The following HECW1 variants were observed in gnomAD, a reference collection of about 807,000 sequenced individuals.
HECW1 encodes E3 ubiquitin-protein ligase HECW1.
A neutral mutation model predicts 182.3 loss-of-function variants in HECW1; 61 were observed. The observed-to-expected ratio is 0.33, with a 90% CI of 0.27 to 0.41. The LOEUF is 0.41. HECW1 is among the 10% of genes least tolerant of loss of function. The pLI is 1.00. For missense variants in HECW1, 1,739 were observed against 2,108.9 expected (o/e 0.82, Z 3.44); for synonymous variants, 859 against 832.6 (o/e 1.03, Z -0.55).
In HECW1 at chr7:43,348,047, G is replaced by A. The variant is rs147302687; in HGVS notation, c.461-12839G>A. 9.4e-3 allele frequency among the ~76,000 whole-genome samples: 1,427 copies of A among 152,288 alleles called. 6 individuals are homozygous for A. The highest frequency in any genetic ancestry group is 0.015 in the Non-Finnish European group (1,021 of 68,020). On this transcript the variant is annotated intron_variant, in intron 5 of 29. Coordinates refer to ENST00000395891, the MANE Select transcript of HECW1 (RefSeq NM_015052.5). ...TGCTGGCTTCACAGAATGAATTAGAGAGGGTTCCTTCTTTCTCTATCTTGT... is the reference window on the plus strand; with the variant it reads ...TGCTGGCTTCACAGAATGAATTAGAAAGGGTTCCTTCTTTCTCTATCTTGT...
intron 5 of HECW1, among the ~76,000 whole-genome samples, chr7:43,324,277 A>C (rs972075170): frequency 2.9e-4 from 44 of 152,188 alleles, no homozygotes; most frequent in African/African-American, 1.0e-3. Flanking sequence ...AAAAAGTAAA[A>C]ATTTATTGAG....
intron 3 of HECW1, among the ~76,000 whole-genome samples, chr7:43,303,307 G>A (rs537382338): frequency 6.6e-6 from 1 of 152,012 alleles, no homozygotes; most frequent in Non-Finnish European, 1.5e-5. Context: ...AATGGTGTGC[G>A]AGCGACAAGG....
At chr7:43,128,138 C>T (rs779923411) in intron 2 of HECW1, among the ~76,000 whole-genome samples, 13 of 152,120 alleles carry the variant, frequency 8.5e-5, no homozygotes, top group Non-Finnish European at 1.5e-4. Context: ...CCTCAGCCTC[C>T]CAAATTATTG....
At chr7:43,303,819 C>A (rs565050458) in intron 3 of HECW1, among the ~76,000 whole-genome samples, 1 of 152,152 alleles carries the variant, frequency 6.6e-6, no homozygotes, top group South Asian at 2.1e-4. Flanking sequence ...CTCCCTTACA[C>A]CTGAGAGCCC....
At chr7:43,244,619 C>T (rs192481048) in intron 3 of HECW1, among the ~76,000 whole-genome samples, 28 of 152,242 alleles carry the variant, frequency 1.8e-4, no homozygotes, top group Non-Finnish European at 3.5e-4. Context: ...ATTTGATGTA[C>T]GAGGGAACTG....
At chr7:43,227,454 A>G (rs1263509028) in intron 2 of HECW1, among the ~76,000 whole-genome samples, 1 of 152,190 alleles carries the variant, frequency 6.6e-6, no homozygotes, top group Non-Finnish European at 1.5e-5. Flanking sequence ...TCCATACTTT[A>G]ATCACTAAGT....
chr7:43,343,674 C>G lies in HECW1; in HGVS notation c.461-17212C>G, dbSNP rs527619514. ...CTTAATCCACTCTATCATTGATGGA[C>G]ATTTGGGTTGGTTTCAAGTCTTTGC... On this transcript the variant is annotated intron_variant, in intron 5 of 29. Transcript: ENST00000395891. Among the ~76,000 whole-genome samples the G allele has an allele frequency of 4.0e-4, 61 of 151,888 alleles. 2 individuals carry two copies. The highest frequency in any genetic ancestry group is 1.4e-3 in the African/African-American group (57 of 41,210).
At chr7:43,495,899 C>A (rs543195262) in intron 19 of HECW1, among the ~76,000 whole-genome samples, 3 of 152,236 alleles carry the variant, frequency 2.0e-5, no homozygotes, top group Non-Finnish European at 1.5e-5. Flanking sequence ...CTGATTCTAC[C>A]ATTAAGTAGT....
At chr7:43,424,309 G>GA (rs1187325764) in intron 8 of HECW1, among the ~76,000 whole-genome samples, 3 of 152,188 alleles carry the variant, frequency 2.0e-5, no homozygotes, top group Non-Finnish European at 4.4e-5. Flanking sequence ...TATTAGCCTG[G>GA]AAAAAAAGTT....
intron 5 of HECW1, among the ~76,000 whole-genome samples, chr7:43,344,399 A>G (rs901419432): frequency 6.6e-6 from 1 of 151,904 alleles, no homozygotes; most frequent in African/African-American, 2.4e-5. Flanking sequence ...TGAAGTTCTC[A>G]TTCCCTTGTC....
intron 29 of HECW1, 137 bp from the exon 30 acceptor site, chr7:43,561,678 A>T (rs561609880): frequency 2.0e-5 from 12 of 608,546 alleles, no homozygotes; most frequent in Non-Finnish European, 3.3e-5. Context: ...TTAGTGTGCA[A>T]TGTTTTATGG....
chr7:43,491,013 A>C (rs886307403), intron 17 of HECW1, among the ~76,000 whole-genome samples: 1 of 152,188 alleles, frequency 6.6e-6, no homozygotes, highest in Admixed American at 6.6e-5. Context: ...TCAGCCTCCC[A>C]AAGTGCTGGG....
intron 2 of HECW1, among the ~76,000 whole-genome samples, chr7:43,153,166 A>AT (rs931799526): frequency 6.0e-5 from 9 of 150,704 alleles, no homozygotes; most frequent in Admixed American, 2.0e-4. Context: ...TGGTCTTTGC[A>AT]TTTTTTTTTA....
chr7:43,280,315 C>G (rs1049771920), intron 3 of HECW1, among the ~76,000 whole-genome samples: 6 of 152,140 alleles, frequency 3.9e-5, no homozygotes, highest in African/African-American at 1.4e-4. Context: ...CACTGAACAC[C>G]TGTGACCTTA....
At chr7:43,382,637 T>C (rs1000798434) in intron 6 of HECW1, among the ~76,000 whole-genome samples, 1 of 152,158 alleles carries the variant, frequency 6.6e-6, no homozygotes, top group African/African-American at 2.4e-5. Flanking sequence ...GACCCTAGAA[T>C]AGTATCTGTA....
In HECW1 at chr7:43,294,087, C is replaced by T. The variant is rs79938704; in HGVS notation, c.28-17676C>T. 8.5e-3 allele frequency among the ~76,000 whole-genome samples: 1,288 copies of T among 152,320 alleles called. 27 individuals are homozygous for T. Among genetic ancestry groups the T allele is most frequent in the African/African-American group, 0.029 (1,208 of 41,566 alleles). ...ATTGTCTTCCATGAAATCGATCCCT[C>T]GTGCCAAAAAGTTTGGGGACCGCTG... On this transcript the variant is annotated intron_variant, in intron 3 of 29. Transcript: ENST00000395891.
intron 28 of HECW1, among the ~76,000 whole-genome samples, chr7:43,553,321 T>C (rs954365616): frequency 2.6e-5 from 4 of 152,154 alleles, no homozygotes; most frequent in African/African-American, 7.2e-5. Context: ...GCCTCCCTCA[T>C]GTCCCCAGTA....
chr7:43,141,603 G>C (rs932451846), intron 2 of HECW1, among the ~76,000 whole-genome samples: 1 of 152,028 alleles, frequency 6.6e-6, no homozygotes, highest in Non-Finnish European at 1.5e-5. Context: ...GGTTCAAGCA[G>C]TTCTCCTGCC....
At chr7:43,120,840 C>T (rs1365817997) in intron 2 of HECW1, among the ~76,000 whole-genome samples, 10 of 151,974 alleles carry the variant, frequency 6.6e-5, no homozygotes, top group African/African-American at 2.4e-4. Context: ...GATGGGTTTT[C>T]ACCATGTTGG....
Sources: allele counts gnomAD v4.1 joint callset (sites outside exome capture counted in the v4.1 genomes callset), GRCh38; gene constraint gnomAD v4.1.1; transcripts MANE v1.5; gene names NCBI Gene and HGNC (gene_info 2026-07-23, HGNC 2026-07-21).